SLC7A1: variants seen among roughly 807,000 people sequenced by gnomAD.
The protein encoded by SLC7A1 is high affinity cationic amino acid transporter 1.
In SLC7A1, 10 loss-of-function variants were observed where a neutral mutation model predicts 53.9. That is an observed-to-expected ratio of 0.19 (90% confidence interval 0.11 to 0.31). The LOEUF (loss-of-function observed/expected upper bound fraction) is 0.31. SLC7A1 is among the 10% of genes least tolerant of loss of function. The pLI is 1.00. For missense variants in SLC7A1, 525 were observed against 827.2 expected (o/e 0.63, Z 4.48); for synonymous variants, 342 against 338.7 (o/e 1.01, Z -0.11).
intron 1 of SLC7A1, among the ~76,000 whole-genome samples, chr13:29,580,216 G>A (rs974511304): frequency 1.3e-5 from 2 of 152,156 alleles, no homozygotes; most frequent in Non-Finnish European, 2.9e-5. Context: ...ACTCCAGGCC[G>A]TGACTGCTGA....
intron 2 of SLC7A1, among the ~76,000 whole-genome samples, chr13:29,539,402 T>C (rs992736952): frequency 1.3e-5 from 2 of 152,194 alleles, no homozygotes; most frequent in South Asian, 2.1e-4. Context: ...CATGCACGTA[T>C]GTCACCACAG....
rs1045735561 is a variant in SLC7A1, at chr13:29,559,841, A to G, written c.-114-5981T>C. Among the ~76,000 whole-genome samples the G allele has an allele frequency of 7.0e-4, 106 of 151,440 alleles. 1 individual carries two copies. The highest frequency in any genetic ancestry group is 1.8e-3 in the Admixed American group (28 of 15,236). ...CGCCATTCTCCTGCCTCAGCCTCCC[A>G]AGAAGCTGGGACTACAGGCGCCCGC... On this transcript the variant is annotated intron_variant, in intron 1 of 12. Coordinates refer to ENST00000380752, the MANE Select transcript of SLC7A1 (RefSeq NM_003045.5).
intron 1 of SLC7A1, among the ~76,000 whole-genome samples, chr13:29,575,596 C>T (rs1871376987): frequency 1.3e-5 from 2 of 152,206 alleles, no homozygotes; most frequent in African/African-American, 2.4e-5. Context: ...ATGTGCCATA[C>T]TTCTGCCCCC....
chr13:29,591,403 G>T (rs1022740834), intron 1 of SLC7A1, among the ~76,000 whole-genome samples: 1 of 152,164 alleles, frequency 6.6e-6, no homozygotes, highest in Non-Finnish European at 1.5e-5. Flanking sequence ...TGCCAGTAGG[G>T]ATCATGATGT....
chr13:29,534,107 C>T (rs1869296912), intron 3 of SLC7A1, among the ~76,000 whole-genome samples: 2 of 152,178 alleles, frequency 1.3e-5, no homozygotes, highest in African/African-American at 4.8e-5. Flanking sequence ...AAACGTGGCT[C>T]CCAAACCCTG....
intron 1 of SLC7A1, among the ~76,000 whole-genome samples, chr13:29,555,373 A>AAAAAAG (rs1870392241): frequency 1.4e-5 from 2 of 141,036 alleles, no homozygotes; most frequent in Admixed American, 1.4e-4. Context: ...AAAAAAAAAA[A>AAAAAAG]AAAAAAAAGA....
chr13:29,591,608 G>A (rs1382095209), intron 1 of SLC7A1, among the ~76,000 whole-genome samples: 1 of 152,188 alleles, frequency 6.6e-6, no homozygotes, highest in Non-Finnish European at 1.5e-5. Flanking sequence ...CCAAGAATCC[G>A]ATCTGAACAA....
At chr13:29,586,410 A>G (rs1180789754) in intron 1 of SLC7A1, among the ~76,000 whole-genome samples, 1 of 152,192 alleles carries the variant, frequency 6.6e-6, no homozygotes, top group Non-Finnish European at 1.5e-5. Flanking sequence ...ACAAAGTCCA[A>G]TTTTTCCAGT....
At chr13:29,593,805 G>A (rs2139199629) in intron 1 of SLC7A1, among the ~76,000 whole-genome samples, 1 of 151,764 alleles carries the variant, frequency 6.6e-6, no homozygotes, top group East Asian at 1.9e-4. Context: ...ATGTACAGGA[G>A]CACGTGGCTC....
At chr13:29,554,540 C>T (rs986903486) in intron 1 of SLC7A1, among the ~76,000 whole-genome samples, 2 of 152,106 alleles carry the variant, frequency 1.3e-5, no homozygotes, top group Non-Finnish European at 2.9e-5. Context: ...GGACACGCTA[C>T]GAAGAACCTC....
At chr13:29,519,329 C>T (rs1209946832) in intron 9 of SLC7A1, 118 bp downstream of exon 9, 1 of 615,416 alleles carries the variant, frequency 1.6e-6, no homozygotes, top group Non-Finnish European at 2.9e-6. Context: ...TGGCAGCTCC[C>T]AATGGAGCTA....
intron 7 of SLC7A1, among the ~76,000 whole-genome samples, chr13:29,522,657 T>A (rs1308076600): frequency 6.6e-6 from 1 of 152,162 alleles, no homozygotes; most frequent in Non-Finnish European, 1.5e-5. Context: ...ACACTGTGAA[T>A]AAGGATTAAG....
rs1250745372 is a variant in SLC7A1 at position 29,553,876 on chromosome 13, G to A, written c.-114-16C>T. 6.6e-6 allele frequency: 1 copy of A among 151,958 alleles called. No individual in the cohort carries two copies. The highest frequency in any genetic ancestry group is 1.5e-5 in the Non-Finnish European group (1 of 68,064). The allele number at this position is 151,958 out of a possible 1,614,324, so 9.4% of individuals were successfully genotyped here. A position where few individuals can be genotyped will look rare whatever the true frequency, so the allele number is the denominator to read the frequency against. On this transcript the variant is annotated splice_polypyrimidine_tract_variant and intron_variant, in intron 1 of 12. Coordinates refer to ENST00000380752, the MANE Select transcript of SLC7A1 (RefSeq NM_003045.5). Reference sequence around the variant, plus strand: ...TTTCAGAATCCTGAAAGGCAAGGAAGAGCCATCAGATATGTTCAGTTTCAA... The same window carrying A: ...TTTCAGAATCCTGAAAGGCAAGGAAAAGCCATCAGATATGTTCAGTTTCAA...
At chr13:29,554,525 C>G (rs1387315981) in intron 1 of SLC7A1, among the ~76,000 whole-genome samples, 1 of 152,136 alleles carries the variant, frequency 6.6e-6, no homozygotes, top group African/African-American at 2.4e-5. Context: ...ATGAACGCAG[C>G]CTGAGGACAC....
chr13:29,586,975 G>A (rs1871910478), intron 1 of SLC7A1, among the ~76,000 whole-genome samples: 2 of 152,242 alleles, frequency 1.3e-5, no homozygotes, highest in South Asian at 2.1e-4. Flanking sequence ...CAGGTTGGGC[G>A]TTACGTGGAC....
chr13:29,557,084 A>G (rs1870471109), intron 1 of SLC7A1, among the ~76,000 whole-genome samples: 1 of 152,244 alleles, frequency 6.6e-6, no homozygotes, highest in Admixed American at 6.5e-5. Context: ...TAATCCAAGA[A>G]TGTTCCAACC....
intron 2 of SLC7A1, among the ~76,000 whole-genome samples, chr13:29,544,053 C>T (rs899554190): frequency 6.6e-5 from 10 of 152,088 alleles, no homozygotes; most frequent in Non-Finnish European, 1.5e-4. Flanking sequence ...AACATGGGAG[C>T]GCCGGGATCC....
intron 1 of SLC7A1, among the ~76,000 whole-genome samples, chr13:29,571,426 AGC>A (rs1376586134): frequency 2.0e-5 from 3 of 152,246 alleles, no homozygotes; most frequent in Non-Finnish European, 4.4e-5. Context: ...CAGGCTCTAT[AGC>A]ATCAACCACC....
intron 1 of SLC7A1, chr13:29,586,853 T>C (rs1871906001): frequency 6.6e-6 from 1 of 152,274 alleles, no homozygotes; most frequent in African/African-American, 2.4e-5. Context: ...GAAGAGAACA[T>C]TGTCTGCACA....
Sources: allele counts gnomAD v4.1 joint callset (sites outside exome capture counted in the v4.1 genomes callset), GRCh38; gene constraint gnomAD v4.1.1; transcripts MANE v1.5; gene names NCBI Gene and HGNC (gene_info 2026-07-23, HGNC 2026-07-21).